VWC2: variants seen among roughly 807,000 people sequenced by gnomAD.
The protein encoded by VWC2 is von Willebrand factor C domain containing 2, also known as brorin.
VWC2 carries 14 observed loss-of-function variants against 29.8 expected under a neutral mutation model. The ratio of observed to expected loss-of-function variants is 0.47; its 90% CI spans 0.31 to 0.74. The LOEUF (loss-of-function observed/expected upper bound fraction) is 0.74. VWC2 is among the 30% of genes least tolerant of loss of function. VWC2 has a pLI of 0.05. For missense variants in VWC2, 457 were observed against 459.8 expected (o/e 0.99, Z 0.05); for synonymous variants, 213 against 199.0 (o/e 1.07, Z -0.59).
intron 2 of VWC2, among the ~76,000 whole-genome samples, chr7:49,785,652 C>G (rs1342654785): frequency 1.3e-5 from 2 of 152,088 alleles, no homozygotes; most frequent in African/African-American, 4.8e-5. Context: ...ACATTACATC[C>G]AGAATAACAG....
intron 3 of VWC2, among the ~76,000 whole-genome samples, chr7:49,899,304 G>A (rs1034444672): frequency 6.6e-6 from 1 of 151,974 alleles, no homozygotes; most frequent in African/African-American, 2.4e-5. Flanking sequence ...TGGCATGAAT[G>A]TTCATCATGC....
chr7:49,867,714 C>T (rs1017446297), intron 3 of VWC2, among the ~76,000 whole-genome samples: 1 of 152,212 alleles, frequency 6.6e-6, no homozygotes, highest in Non-Finnish European at 1.5e-5. Context: ...CAGTCAGCCA[C>T]GATCCCATTA....
At chr7:49,907,305 T>G (rs1793156082) in intron 3 of VWC2, among the ~76,000 whole-genome samples, 1 of 152,184 alleles carries the variant, frequency 6.6e-6, no homozygotes, top group Admixed American at 6.5e-5. Flanking sequence ...TGGGAACAGA[T>G]GGACCTGACT....
intron 2 of VWC2, among the ~76,000 whole-genome samples, chr7:49,784,052 C>G (rs1353085334): frequency 2.6e-5 from 4 of 152,166 alleles, no homozygotes; most frequent in Non-Finnish European, 4.4e-5. Flanking sequence ...CCTGACAACT[C>G]ACCTTCAACA....
chr7:49,783,927 A>T (rs1315650287), intron 2 of VWC2, among the ~76,000 whole-genome samples: 2 of 152,022 alleles, frequency 1.3e-5, no homozygotes, highest in East Asian at 3.9e-4. Context: ...AAAAAAAAGA[A>T]AAGAAATTAA....
intron 3 of VWC2, among the ~76,000 whole-genome samples, chr7:49,812,689 C>G (rs1355310860): frequency 6.6e-6 from 1 of 152,166 alleles, no homozygotes; most frequent in African/African-American, 2.4e-5. Context: ...AACACAGAAG[C>G]AAAGTGGAGA....
rs143349687 is a variant in VWC2, at chr7:49,784,961, T to C, written c.696+8830T>C. On this transcript the variant is annotated intron_variant, in intron 2 of 3. Coordinates refer to ENST00000340652, the MANE Select transcript of VWC2 (RefSeq NM_198570.5). The stretch of plus-strand genomic sequence containing the variant: ...AAAGCAGTTGAATCAGACCCAGATA[T>C]TGGGATGTAAAATGAGTATATTTGA... Among the ~76,000 whole-genome samples the C allele has an allele frequency of 7.1e-4, 108 of 152,316 alleles. 1 individual carries two copies. Among genetic ancestry groups the C allele is most frequent in the African/African-American group, 2.4e-3 (101 of 41,570 alleles).
At chr7:49,843,865 GA>G (rs1467191627) in intron 3 of VWC2, among the ~76,000 whole-genome samples, 1 of 152,090 alleles carries the variant, frequency 6.6e-6, no homozygotes. Context: ...AGGATGAATG[GA>G]AAAAAGAAGA....
chr7:49,889,516 G>C (rs148827182), intron 3 of VWC2, among the ~76,000 whole-genome samples: 18 of 152,308 alleles, frequency 1.2e-4, no homozygotes, highest in Non-Finnish European at 2.4e-4. Context: ...TGGGTCCAGT[G>C]AAAGAAGGAG....
intron 2 of VWC2, among the ~76,000 whole-genome samples, chr7:49,797,340 T>C (rs1319088768): frequency 1.3e-5 from 2 of 152,222 alleles, no homozygotes; most frequent in Admixed American, 6.5e-5. Context: ...ATGCCTCCCA[T>C]TTGTCTGCTC....
chr7:49,904,032 C>G (rs1792940933), intron 3 of VWC2, among the ~76,000 whole-genome samples: 1 of 152,098 alleles, frequency 6.6e-6, no homozygotes, highest in South Asian at 2.1e-4. Context: ...TGTAAATGAA[C>G]TCTCCCCTTG....
intron 3 of VWC2, among the ~76,000 whole-genome samples, chr7:49,907,319 T>C (rs1793157421): frequency 6.6e-6 from 1 of 152,170 alleles, no homozygotes; most frequent in Non-Finnish European, 1.5e-5. Flanking sequence ...CCTGACTCTA[T>C]ATGCCAGTGA....
At chr7:49,851,731 G>A (rs945753318) in intron 3 of VWC2, among the ~76,000 whole-genome samples, 2 of 152,220 alleles carry the variant, frequency 1.3e-5, no homozygotes, top group African/African-American at 4.8e-5. Context: ...GCTGGCACAC[G>A]CCTATAATCC....
intron 3 of VWC2, among the ~76,000 whole-genome samples, chr7:49,804,510 C>T (rs571375960): frequency 2.4e-4 from 36 of 152,106 alleles, no homozygotes; most frequent in African/African-American, 7.7e-4. Context: ...AAATATTTGG[C>T]GTCTTAACTA....
chr7:49,846,827 G>T (rs1312672187), intron 3 of VWC2, among the ~76,000 whole-genome samples: 1 of 152,114 alleles, frequency 6.6e-6, no homozygotes, highest in Non-Finnish European at 1.5e-5. Context: ...AGCCTCATTT[G>T]ACAGCCAGAG....
At chr7:49,788,877 G>T (rs1291348231) in intron 2 of VWC2, among the ~76,000 whole-genome samples, 6 of 141,026 alleles carry the variant, frequency 4.3e-5, no homozygotes, top group Admixed American at 1.4e-4. Flanking sequence ...TGTGGGGGGT[G>T]TGAGGGTGTG....
intron 2 of VWC2, among the ~76,000 whole-genome samples, chr7:49,789,376 T>C (rs1034034632): frequency 6.6e-6 from 1 of 151,708 alleles, no homozygotes; most frequent in Non-Finnish European, 1.5e-5. Flanking sequence ...TGAGTGTGAG[T>C]GTGTGTATGA....
At position 49,778,650 on chromosome 7, in the gene VWC2, A is replaced by G. The variant is rs6963359; in HGVS notation, c.696+2519A>G. 8.3e-3 allele frequency among the ~76,000 whole-genome samples: 1,268 copies of G among 152,348 alleles called. 23 individuals are homozygous for G. The highest frequency in any genetic ancestry group is 0.029 in the African/African-American group (1,225 of 41,586). On this transcript the variant is annotated intron_variant, in intron 2 of 3. Transcript: ENST00000340652. ...GCAATGCTTTTTTTGAAGAATGTTGAAAATATGAATGTAGAATGGTATAGG... is the reference window on the plus strand; with the variant it reads ...GCAATGCTTTTTTTGAAGAATGTTGGAAATATGAATGTAGAATGGTATAGG...
At chr7:49,882,558 C>T (rs1454085087) in intron 3 of VWC2, among the ~76,000 whole-genome samples, 1 of 151,760 alleles carries the variant, frequency 6.6e-6, no homozygotes, top group African/African-American at 2.4e-5. Flanking sequence ...CAGAGAGAGA[C>T]ACACAGGGAG....
Sources: allele counts gnomAD v4.1 joint callset (sites outside exome capture counted in the v4.1 genomes callset), GRCh38; gene constraint gnomAD v4.1.1; transcripts MANE v1.5; gene names NCBI Gene and HGNC (gene_info 2026-07-23, HGNC 2026-07-21).